LRFN2: variants seen among roughly 807,000 people sequenced by gnomAD.
LRFN2 encodes the protein leucine-rich repeat and fibronectin type-III domain-containing protein 2.
Under a neutral mutation model 37.3 loss-of-function variants are expected in LRFN2, and 18 were observed. That is an observed-to-expected ratio of 0.48 (90% CI 0.33 to 0.72). LRFN2 has a LOEUF of 0.72. Ranked by LOEUF, LRFN2 falls within the 30% of genes least tolerant of loss-of-function variation. The pLI is 0.02. For missense variants in LRFN2, 1,006 were observed against 1,060.7 expected, an observed-to-expected ratio of 0.95 and a Z score of 0.72; for synonymous variants, 556 against 466.6, an observed-to-expected ratio of 1.19 and a Z score of -2.47.
At chr6:40,471,605 A>T (rs79463374) in intron 1 of LRFN2, among the ~76,000 whole-genome samples, 1,886 of 152,282 alleles carry the variant, frequency 0.012, 30 homozygotes, top group East Asian at 0.064. Flanking sequence ...CCCAACTCCA[A>T]TACTATATTA....
intron 1 of LRFN2, among the ~76,000 whole-genome samples, chr6:40,455,203 T>C (rs1406237706): frequency 6.6e-6 from 1 of 152,260 alleles, no homozygotes; most frequent in African/African-American, 2.4e-5. Context: ...TTCCTCTCAC[T>C]TGGCTTATCA....
chr6:40,465,639 G>C (rs2113853017), intron 1 of LRFN2, among the ~76,000 whole-genome samples: 1 of 152,288 alleles, frequency 6.6e-6, no homozygotes, highest in East Asian at 1.9e-4. Flanking sequence ...GGGCTCTCCT[G>C]ACCCATGTAG....
intron 1 of LRFN2, among the ~76,000 whole-genome samples, chr6:40,447,453 T>C (rs1008530010): frequency 6.6e-6 from 1 of 152,234 alleles, no homozygotes; most frequent in African/African-American, 2.4e-5. Context: ...CATCCCATGA[T>C]GTCTTCTTCC....
At chr6:40,433,581 A>G (rs1763569583) in intron 1 of LRFN2, among the ~76,000 whole-genome samples, 1 of 152,220 alleles carries the variant, frequency 6.6e-6, no homozygotes, top group South Asian at 2.1e-4. Flanking sequence ...TTATCCAATA[A>G]TTGAGTTTGA....
intron 1 of LRFN2, among the ~76,000 whole-genome samples, chr6:40,544,556 C>T (rs1040971205): frequency 1.3e-5 from 2 of 152,192 alleles, no homozygotes; most frequent in African/African-American, 4.8e-5. Context: ...CCTCCCCTTC[C>T]CAAACCCTGG....
chr6:40,423,295 G>C (rs1255825881), intron 2 of LRFN2, among the ~76,000 whole-genome samples: 1 of 152,178 alleles, frequency 6.6e-6, no homozygotes, highest in East Asian at 1.9e-4. Context: ...TTACAGCTCT[G>C]TTGGTTTTGA....
chr6:40,456,242 TA>T (rs1561863343), intron 1 of LRFN2, among the ~76,000 whole-genome samples: 1 of 152,240 alleles, frequency 6.6e-6, no homozygotes, highest in Non-Finnish European at 1.5e-5. Flanking sequence ...TGTGTTGCTT[TA>T]AGCCAAGTTC....
At chr6:40,534,080 A>C (rs1766403942) in intron 1 of LRFN2, among the ~76,000 whole-genome samples, 1 of 152,222 alleles carries the variant, frequency 6.6e-6, no homozygotes, top group African/African-American at 2.4e-5. Flanking sequence ...TAGCTTGCCC[A>C]CAGGGACACA....
At chr6:40,555,405 A>G (rs6935476) in intron 1 of LRFN2, among the ~76,000 whole-genome samples, 72,196 of 152,080 alleles carry the variant, frequency 0.47, 18,181 homozygotes, top group African/African-American at 0.65. Context: ...AAGTGAGACT[A>G]CGCCAGCAGG....
chr6:40,498,742 C>T lies in LRFN2; in HGVS notation c.-18-65611G>A, dbSNP rs73432647. ...GCAGTGAATGAAGCCAATCATGATC[C>T]CTGCCCTCAGGAAGCTCACATTCTG... is the stretch of plus-strand genomic sequence containing the variant. On this transcript the variant is annotated intron_variant, in intron 1 of 2. Coordinates refer to ENST00000338305, the MANE Select transcript of LRFN2 (RefSeq NM_020737.3). 7.3e-3 allele frequency among the ~76,000 whole-genome samples: 1,108 copies of T among 152,248 alleles called. 18 individuals are homozygous for T. Among genetic ancestry groups the T allele is most frequent in the African/African-American group, 0.025 (1,019 of 41,540 alleles).
intron 1 of LRFN2, among the ~76,000 whole-genome samples, chr6:40,487,462 G>T (rs573886549): frequency 6.6e-6 from 1 of 152,164 alleles, no homozygotes; most frequent in Non-Finnish European, 1.5e-5. Context: ...TGTTCCTCCC[G>T]CAGCCTTCCT....
intron 1 of LRFN2, among the ~76,000 whole-genome samples, chr6:40,571,988 G>A (rs1487992622): frequency 1.3e-5 from 2 of 152,166 alleles, no homozygotes; most frequent in African/African-American, 4.8e-5. Flanking sequence ...AAACAGGGGG[G>A]GCTCCGAAAC....
intron 1 of LRFN2, among the ~76,000 whole-genome samples, chr6:40,474,981 A>C (rs113182465): frequency 0.014 from 2,071 of 152,298 alleles, 26 homozygotes; most frequent in Non-Finnish European, 0.02. Flanking sequence ...GACCTCAACC[A>C]TCCCAAGGGT....
intron 1 of LRFN2, among the ~76,000 whole-genome samples, chr6:40,539,469 T>C (rs964039710): frequency 3.2e-4 from 48 of 152,338 alleles, no homozygotes; most frequent in African/African-American, 1.1e-3. Context: ...CTTGGGAAGC[T>C]TCCAGGTTCA....
At chr6:40,440,130 G>GAA (rs11399236) in intron 1 of LRFN2, among the ~76,000 whole-genome samples, 9 of 147,352 alleles carry the variant, frequency 6.1e-5, no homozygotes, top group African/African-American at 2.2e-4. Context: ...CAGACAACAG[G>GAA]AAAAAAAAAA....
chr6:40,572,752 C>T (rs1767210398), intron 1 of LRFN2, among the ~76,000 whole-genome samples: 1 of 152,116 alleles, frequency 6.6e-6, no homozygotes, highest in Non-Finnish European at 1.5e-5. Flanking sequence ...ATGTTTAATC[C>T]CCAGCTAGTG....
intron 1 of LRFN2, among the ~76,000 whole-genome samples, chr6:40,470,116 C>T (rs1764558184): frequency 6.6e-6 from 1 of 152,186 alleles, no homozygotes; most frequent in Non-Finnish European, 1.5e-5. Context: ...CTGCTTTTCA[C>T]CTGCCACACA....
At chr6:40,584,279 T>G (rs1007729193) in intron 1 of LRFN2, among the ~76,000 whole-genome samples, 2 of 152,130 alleles carry the variant, frequency 1.3e-5, no homozygotes, top group African/African-American at 4.8e-5. Context: ...CAGGAAAACA[T>G]CAGGTCATAA....
At chr6:40,586,128 G>A (rs940966926) in intron 1 of LRFN2, among the ~76,000 whole-genome samples, 1 of 152,072 alleles carries the variant, frequency 6.6e-6, no homozygotes, top group Non-Finnish European at 1.5e-5. Context: ...CCTTTGTACC[G>A]GGCTGATGGG....
Sources: gnomAD v4.1 joint callset for allele counts (sites outside exome capture counted in the v4.1 genomes callset) on GRCh38, gnomAD v4.1.1 for gene constraint, MANE v1.5 for transcripts, NCBI Gene and HGNC (gene_info 2026-07-23, HGNC 2026-07-21) for gene names.